Variants in MIPOL1 observed in about 807,000 individuals in gnomAD.
The protein encoded by MIPOL1 is mirror-image polydactyly 1, also known as mirror-image polydactyly gene 1 protein.
MIPOL1 carries 57 observed loss-of-function variants against 60.9 expected under a neutral mutation model. The ratio of observed to expected loss-of-function variants is 0.94; its 90% CI spans 0.76 to 1.17. The LOEUF (loss-of-function observed/expected upper bound fraction) is 1.17, where lower values mean the gene tolerates loss of function less well. Among genes scored for constraint, MIPOL1 ranks in the 50% most tolerant of loss-of-function variants. The pLI, the probability that MIPOL1 is intolerant of heterozygous loss-of-function variation, is 0.00. For missense variants in MIPOL1, 551 were observed against 511.6 expected (o/e 1.08, Z -0.74); for synonymous variants, 179 against 168.8 (o/e 1.06, Z -0.47).
At chr14:37,390,795 A>C (rs962077219) in intron 10 of MIPOL1, among the ~76,000 whole-genome samples, 5 of 152,010 alleles carry the variant, frequency 3.3e-5, no homozygotes, top group African/African-American at 1.2e-4. Context: ...AACTCAAAAC[A>C]GTACAATATA....
intron 1 of MIPOL1, among the ~76,000 whole-genome samples, chr14:37,218,143 T>A (rs1214352106): frequency 6.6e-6 from 1 of 152,008 alleles, no homozygotes. Flanking sequence ...GTTATTGTGG[T>A]AAGATAACAT....
rs374248696 is a variant in MIPOL1 at position 37,539,043 on chromosome 14, A to G, written c.1263-7862A>G. On this transcript the variant is annotated intron_variant, in intron 12 of 12. Transcript: ENST00000684589. Reference sequence around the variant, plus strand: ...TGGTGAAACCCCGTCTCTACTAAAAATACAAAAAATTAGCCGGGTGTGGTG... The same window carrying G: ...TGGTGAAACCCCGTCTCTACTAAAAGTACAAAAAATTAGCCGGGTGTGGTG... 5.0e-3 allele frequency among the ~76,000 whole-genome samples: 766 copies of G among 152,222 alleles called. 5 individuals carry two copies. Among genetic ancestry groups the G allele is most frequent in the South Asian group, 0.033 (159 of 4,818 alleles).
At chr14:37,255,935 A>G (rs1313421956) in intron 3 of MIPOL1, among the ~76,000 whole-genome samples, 3 of 151,840 alleles carry the variant, frequency 2.0e-5, no homozygotes, top group African/African-American at 7.2e-5. Flanking sequence ...TGAACAATAC[A>G]AACTGATGGA....
chr14:37,385,543 G>A (rs1028060267), intron 10 of MIPOL1: 5 of 152,014 alleles, frequency 3.3e-5, no homozygotes, highest in African/African-American at 1.2e-4. Context: ...AGGCCTTCAG[G>A]ATGGCTGGTT....
intron 10 of MIPOL1, among the ~76,000 whole-genome samples, chr14:37,420,990 G>A (rs1431435070): frequency 6.6e-6 from 1 of 152,036 alleles, no homozygotes; most frequent in Non-Finnish European, 1.5e-5. Context: ...CTAGGGCCTA[G>A]GAAAAAAATT....
chr14:37,351,886 C>G (rs1247788690), intron 9 of MIPOL1, among the ~76,000 whole-genome samples: 2 of 151,054 alleles, frequency 1.3e-5, no homozygotes, highest in Non-Finnish European at 3.0e-5. Flanking sequence ...GGTAGTTTCT[C>G]TTGCTGTGCA....
At chr14:37,278,438 A>C (rs2083838815) in intron 6 of MIPOL1, 1 of 151,710 alleles carries the variant, frequency 6.6e-6, no homozygotes, top group African/African-American at 2.4e-5. Flanking sequence ...GTTATTTCTC[A>C]TGTAAAACTA....
chr14:37,529,419 ATAC>A (rs900516010), intron 12 of MIPOL1, among the ~76,000 whole-genome samples: 167 of 152,262 alleles, frequency 1.1e-3, no homozygotes, highest in African/African-American at 3.8e-3. Context: ...TTGTTTCCTA[ATAC>A]TGCTGCAGTA....
chr14:37,486,361 A>AT (rs1449814619), intron 11 of MIPOL1, among the ~76,000 whole-genome samples: 5 of 152,022 alleles, frequency 3.3e-5, no homozygotes, highest in African/African-American at 1.2e-4. Flanking sequence ...GGTTTTTTCA[A>AT]TTTTTTAAGA....
chr14:37,459,894 G>A (rs1229968388), intron 11 of MIPOL1, among the ~76,000 whole-genome samples: 2 of 152,080 alleles, frequency 1.3e-5, no homozygotes, highest in Non-Finnish European at 1.5e-5. Context: ...GGCCGACATG[G>A]TGAAACCCTG....
chr14:37,203,649 G>A (rs1010892548), intron 1 of MIPOL1, among the ~76,000 whole-genome samples: 16 of 152,076 alleles, frequency 1.1e-4, no homozygotes, highest in African/African-American at 3.9e-4. Flanking sequence ...CTGGCACTCT[G>A]TTGCTCACTC....
intron 11 of MIPOL1, among the ~76,000 whole-genome samples, chr14:37,476,293 TTTGG>T (rs961988228): frequency 6.6e-6 from 1 of 152,174 alleles, no homozygotes; most frequent in African/African-American, 2.4e-5. Flanking sequence ...TATTTGTTTG[TTTGG>T]TTGGTTGGTT....
chr14:37,486,211 C>A (rs1479435815), intron 11 of MIPOL1, among the ~76,000 whole-genome samples: 1 of 152,130 alleles, frequency 6.6e-6, no homozygotes, highest in African/African-American at 2.4e-5. Context: ...GTTTTGCTAC[C>A]AGTACCATGC....
chr14:37,367,349 G>A (rs1022558306), intron 9 of MIPOL1, among the ~76,000 whole-genome samples: 1 of 152,070 alleles, frequency 6.6e-6, no homozygotes, highest in Non-Finnish European at 1.5e-5. Context: ...AACATTTAAT[G>A]TAGTTAAATA....
intron 1 of MIPOL1, among the ~76,000 whole-genome samples, chr14:37,221,444 C>T (rs11851719): frequency 0.026 from 4,022 of 152,146 alleles, 194 homozygotes; most frequent in African/African-American, 0.091. Flanking sequence ...TGTGTTAGTC[C>T]GTTCTCACAT....
chr14:37,438,862 G>A (rs973157623), intron 11 of MIPOL1, among the ~76,000 whole-genome samples: 10 of 152,174 alleles, frequency 6.6e-5, no homozygotes, highest in Admixed American at 3.3e-4. Context: ...GTGCCTAACA[G>A]CAATTTTATC....
Position 37,370,838 on chromosome 14 carries a change from T to TA in MIPOL1, c.936+1216dup, listed in dbSNP as rs1238761963. ...AAGGAATTTACTATTTTATGAAAAC[T>TA]AATAATAATTTTTAAAATGTATACT... On this transcript the variant is annotated intron_variant, in intron 10 of 12. Transcript: ENST00000684589. Among the ~76,000 whole-genome samples the TA allele has an allele frequency of 5.9e-5, 9 of 152,162 alleles. No individual in the cohort carries two copies. The East Asian group carries it at 1.7e-3, about 29-fold the overall frequency.
intron 1 of MIPOL1, among the ~76,000 whole-genome samples, chr14:37,245,480 A>T (rs1218544443): frequency 2.0e-5 from 3 of 152,136 alleles, no homozygotes; most frequent in African/African-American, 7.2e-5. Flanking sequence ...GGCAAAGCAA[A>T]TGTGCTGTAC....
intron 9 of MIPOL1, among the ~76,000 whole-genome samples, chr14:37,313,264 G>A (rs2087541067): frequency 6.6e-6 from 1 of 152,116 alleles, no homozygotes; most frequent in African/African-American, 2.4e-5. Context: ...TATTGAACTA[G>A]CCAGGATTGG....
Sources: gnomAD v4.1 joint callset for allele counts (sites outside exome capture counted in the v4.1 genomes callset) on GRCh38, gnomAD v4.1.1 for gene constraint, MANE v1.5 for transcripts, NCBI Gene and HGNC (gene_info 2026-07-23, HGNC 2026-07-21) for gene names.